The following ZNF385B variants were observed in gnomAD, a reference collection of about 807,000 sequenced individuals.
ZNF385B encodes zinc finger protein 533.
A neutral mutation model predicts 39.2 loss-of-function variants in ZNF385B; 23 were observed. The ratio of observed to expected loss-of-function variants is 0.59; its 90% CI spans 0.42 to 0.83. The LOEUF (loss-of-function observed/expected upper bound fraction) is 0.83, where lower values mean the gene tolerates loss of function less well. Among genes scored for constraint, ZNF385B ranks in the 40% least tolerant of loss-of-function variants. The pLI, the probability that ZNF385B is intolerant of heterozygous loss-of-function variation, is 0.00. For missense variants in ZNF385B, 552 were observed against 598.9 expected, an observed-to-expected ratio of 0.92 and a Z score of 0.82; for synonymous variants, 205 against 222.6, an observed-to-expected ratio of 0.92 and a Z score of 0.70.
Position 179,481,267 on chromosome 2 carries a change from C to T in ZNF385B, c.715+2005G>A, listed in dbSNP as rs546000813. ...TCCTTAAACTTTATTTCAAAATATA[C>T]TCATTGAAATTGGTCATCTCATAGG... On this transcript the variant is annotated intron_variant, in intron 6 of 9. Coordinates refer to ENST00000410066, the MANE Select transcript of ZNF385B (RefSeq NM_152520.6). The T allele has an allele frequency of 9.9e-5, 15 of 152,210 alleles. No homozygotes were observed. In the South Asian group the frequency reaches 3.1e-3, roughly 32 times the overall value. The allele number at this position is 152,210 out of a possible 1,614,324, so 9.4% of individuals were successfully genotyped here. A position where few individuals can be genotyped will look rare whatever the true frequency, so the allele number is the denominator to read the frequency against.
chr2:179,824,191 G>A (rs1257966225), intron 1 of ZNF385B, among the ~76,000 whole-genome samples: 1 of 152,112 alleles, frequency 6.6e-6, no homozygotes, highest in African/African-American at 2.4e-5. Flanking sequence ...TACTCCAGTT[G>A]TGCATGTCTG....
intron 3 of ZNF385B, chr2:179,576,098 A>G (rs1685780543): frequency 1.0e-6 from 1 of 981,426 alleles, no homozygotes; most frequent in Non-Finnish European, 1.2e-6. Flanking sequence ...CCACAGGCAC[A>G]CAGTTACCAG....
intron 3 of ZNF385B, among the ~76,000 whole-genome samples, chr2:179,658,839 G>A (rs1035012647): frequency 2.0e-5 from 3 of 152,160 alleles, no homozygotes; most frequent in East Asian, 1.9e-4. Flanking sequence ...GTGCAGTGGC[G>A]CAATCTCAGC....
chr2:179,612,610 T>A (rs1689381383), intron 3 of ZNF385B, among the ~76,000 whole-genome samples: 1 of 152,120 alleles, frequency 6.6e-6, no homozygotes, highest in Non-Finnish European at 1.5e-5. Context: ...CTGTGCTGAG[T>A]TATCTGGAGC....
At chr2:179,811,586 C>T (rs1326798341) in intron 1 of ZNF385B, among the ~76,000 whole-genome samples, 1 of 152,134 alleles carries the variant, frequency 6.6e-6, no homozygotes, top group Non-Finnish European at 1.5e-5. Context: ...GCTGAGATAG[C>T]TGGCTAGCCA....
chr2:179,569,095 A>G (rs1684919824), intron 3 of ZNF385B, among the ~76,000 whole-genome samples: 1 of 152,182 alleles, frequency 6.6e-6, no homozygotes, highest in South Asian at 2.1e-4. Flanking sequence ...TATTACCTGC[A>G]TTCTCTAGAT....
At chr2:179,585,370 G>A (rs1252702708) in intron 3 of ZNF385B, among the ~76,000 whole-genome samples, 1 of 152,084 alleles carries the variant, frequency 6.6e-6, no homozygotes, top group Non-Finnish European at 1.5e-5. Context: ...CCAATGGATT[G>A]TTTTTGCCTT....
rs1559338308 is a variant in ZNF385B at position 179,493,777 on chromosome 2, A to ATACATATATGTATATGCATATATG, written c.553-10344_553-10343insCATATATGCATATACATATATGTA. ...TATACATATATGTATACATATATGTATATACACATATGTATACATATATGT... is the reference window on the plus strand; with the variant it reads ...TATACATATATGTATACATATATGTATACATATATGTATATGCATATATGTATACACATATGTATACATATATGT... On this transcript the variant is annotated intron_variant, in intron 5 of 9. Coordinates refer to ENST00000410066, the MANE Select transcript of ZNF385B (RefSeq NM_152520.6). 5.2e-4 allele frequency among the ~76,000 whole-genome samples: 52 copies of ATACATATATGTATATGCATATATG among 100,480 alleles called. 4 individuals carry two copies. Among genetic ancestry groups the ATACATATATGTATATGCATATATG allele is most frequent in the East Asian group, 8.6e-4 (4 of 4,638 alleles). 65.9% of individuals were successfully genotyped at this position (100,480 alleles called of 152,430 possible). A position where few individuals can be genotyped will look rare whatever the true frequency, so the allele number is the denominator to read the frequency against.
chr2:179,816,688 T>A (rs1234788570), intron 1 of ZNF385B, among the ~76,000 whole-genome samples: 1 of 152,166 alleles, frequency 6.6e-6, no homozygotes, highest in African/African-American at 2.4e-5. Context: ...TTTCCTAAAG[T>A]TCTCTTATCT....
chr2:179,702,019 G>C (rs1470396865), intron 3 of ZNF385B, among the ~76,000 whole-genome samples: 1 of 152,174 alleles, frequency 6.6e-6, no homozygotes, highest in Non-Finnish European at 1.5e-5. Flanking sequence ...AGTGCCCAAA[G>C]AGACCAGATT....
At chr2:179,518,378 A>C in intron 5 of ZNF385B, 150 bp downstream of exon 5, 1 of 599,068 alleles carries the variant, frequency 1.7e-6, no homozygotes, top group East Asian at 3.1e-5. Flanking sequence ...ATTGAACCCA[A>C]ATCCTTTGGA....
intron 5 of ZNF385B, among the ~76,000 whole-genome samples, chr2:179,508,043 C>G (rs775850962): frequency 6.6e-6 from 1 of 152,126 alleles, no homozygotes; most frequent in East Asian, 1.9e-4. Flanking sequence ...ATGTTCTAAA[C>G]GGTATTAAAT....
In ZNF385B at chr2:179,573,202, A is replaced by G. The variant is rs79609794; in HGVS notation, c.299-28233T>C. On this transcript the variant is annotated intron_variant, in intron 3 of 9. Transcript: ENST00000410066. Reference sequence around the variant, plus strand: ...TGTAACATATCTTTTCAGACGTTGCATATGCATTTCACAGTATATCTCTAG... The same window carrying G: ...TGTAACATATCTTTTCAGACGTTGCGTATGCATTTCACAGTATATCTCTAG... 3.7e-3 allele frequency among the ~76,000 whole-genome samples: 570 copies of G among 152,300 alleles called. 2 individuals carry two copies. Among genetic ancestry groups the G allele is most frequent in the Middle Eastern group, 0.014 (4 of 294 alleles).
At chr2:179,787,612 G>C (rs185924738) in intron 1 of ZNF385B, among the ~76,000 whole-genome samples, 9 of 152,270 alleles carry the variant, frequency 5.9e-5, no homozygotes, top group African/African-American at 1.7e-4. Flanking sequence ...AAAGCTTCTT[G>C]TTAGACACTA....
At chr2:179,523,361 T>TTG (rs2058647718) in intron 4 of ZNF385B, among the ~76,000 whole-genome samples, 2 of 151,538 alleles carry the variant, frequency 1.3e-5, no homozygotes, top group Admixed American at 6.6e-5. Flanking sequence ...TTTTTTTTTT[T>TTG]TTTTTTAAAG....
chr2:179,681,535 T>C (rs537444607), intron 3 of ZNF385B, among the ~76,000 whole-genome samples: 33 of 152,318 alleles, frequency 2.2e-4, no homozygotes, highest in African/African-American at 7.7e-4. Flanking sequence ...AATAAAATAA[T>C]TTAATGACTG....
intron 1 of ZNF385B, among the ~76,000 whole-genome samples, chr2:179,788,873 T>C (rs978817463): frequency 8.5e-5 from 13 of 152,152 alleles, no homozygotes; most frequent in African/African-American, 3.1e-4. Context: ...TTGGAGTTGA[T>C]GTGAAATAGA....
At chr2:179,523,355 T>TTG (rs201651568) in intron 4 of ZNF385B, among the ~76,000 whole-genome samples, 1,755 of 75,638 alleles carry the variant, frequency 0.023, 40 homozygotes, top group African/African-American at 0.069. Flanking sequence ...TGCGTTTTTT[T>TTG]TTTTTTTTTT....
intron 1 of ZNF385B, among the ~76,000 whole-genome samples, chr2:179,831,306 G>C (rs1707971075): frequency 6.6e-6 from 1 of 152,090 alleles, no homozygotes; most frequent in Non-Finnish European, 1.5e-5. Context: ...AGGTATCCTT[G>C]TTTTCTAAGG....
Sources: gnomAD v4.1 joint callset for allele counts (sites outside exome capture counted in the v4.1 genomes callset) on GRCh38, gnomAD v4.1.1 for gene constraint, MANE v1.5 for transcripts, NCBI Gene and HGNC (gene_info 2026-07-23, HGNC 2026-07-21) for gene names.